DOCK5: variants seen among roughly 807,000 people sequenced by gnomAD.
DOCK5 encodes the protein dedicator of cytokinesis 5.
Under a neutral mutation model 251.8 loss-of-function variants are expected in DOCK5, and 142 were observed. The ratio of observed to expected loss-of-function variants is 0.56; its 90% CI spans 0.49 to 0.65. The LOEUF (loss-of-function observed/expected upper bound fraction) is 0.65, where lower values mean the gene tolerates loss of function less well. DOCK5 is among the 30% of genes least tolerant of loss of function. The pLI is 0.00. For missense variants in DOCK5, 2,111 were observed against 2,312.3 expected, an observed-to-expected ratio of 0.91 and a Z score of 1.79; for synonymous variants, 842 against 835.5, an observed-to-expected ratio of 1.01 and a Z score of -0.13.
intron 2 of DOCK5, among the ~76,000 whole-genome samples, chr8:25,252,613 T>G (rs1803300514): frequency 6.6e-6 from 1 of 152,218 alleles, no homozygotes; most frequent in African/African-American, 2.4e-5. Flanking sequence ...ACCTTTACCT[T>G]AAGTACAGCT....
At chr8:25,329,952 A>G (rs543268932) in intron 18 of DOCK5, among the ~76,000 whole-genome samples, 3 of 152,322 alleles carry the variant, frequency 2.0e-5, no homozygotes, top group East Asian at 1.9e-4. Context: ...GACCTTAACA[A>G]TTCACCAGAT....
intron 7 of DOCK5, among the ~76,000 whole-genome samples, chr8:25,297,246 C>A (rs1263462132): frequency 6.6e-6 from 1 of 151,634 alleles, no homozygotes; most frequent in South Asian, 2.1e-4. Flanking sequence ...AGGCACCCAC[C>A]ACCACACCCG....
At chr8:25,359,096 A>G in intron 28 of DOCK5, 35 bp downstream of exon 28, 1 of 1,579,638 alleles carries the variant, frequency 6.3e-7, no homozygotes, top group Non-Finnish European at 8.7e-7. Context: ...TAACCTGAAG[A>G]CTTCTTAAAT....
chr8:25,231,280 C>T (rs1263147086), intron 1 of DOCK5, among the ~76,000 whole-genome samples: 1 of 152,098 alleles, frequency 6.6e-6, no homozygotes, highest in Non-Finnish European at 1.5e-5. Flanking sequence ...ATTTATTTCT[C>T]CGTTTTCCTT....
intron 51 of DOCK5, among the ~76,000 whole-genome samples, 191 bp from the exon 52 acceptor site, chr8:25,410,997 ACGCACG>A: frequency 4.5e-5 from 4 of 88,762 alleles, no homozygotes; most frequent in Admixed American, 1.2e-4. Context: ...GCACGCACGC[ACGCACG>A]CGTGTGTCTG....
At chr8:25,337,233 C>CGCACACACATGCAT (rs1189249677) in intron 22 of DOCK5, among the ~76,000 whole-genome samples, 71 of 152,038 alleles carry the variant, frequency 4.7e-4, no homozygotes, top group Non-Finnish European at 7.5e-4. Context: ...TTGATACAGA[C>CGCACACACATGCAT]GCACACACAT....
Position 25,373,513 on chromosome 8 carries a change from T to C in DOCK5, c.3685-105T>C. 7 of 1,094,004 alleles carry C rather than the reference T, an allele frequency of 6.4e-6. 1 individual carries two copies. In the South Asian group the frequency reaches 8.7e-5, roughly 14 times the overall value. The allele number at this position is 1,094,004 out of a possible 1,614,324, so 67.8% of individuals were successfully genotyped here. On this transcript the variant is annotated intron_variant, in intron 35 of 51. Coordinates refer to ENST00000276440, the MANE Select transcript of DOCK5 (RefSeq NM_024940.8). ...TGTTAAAGGGAAACAGTGATCTCTT[T>C]GGAAAAGTGAAACTTTTGAAAAGCA...
chr8:25,380,846 TGCCCAGTGGAGGCAGCCACCATTCC>T (rs1245078649), intron 39 of DOCK5, among the ~76,000 whole-genome samples: 48 of 150,878 alleles, frequency 3.2e-4, no homozygotes, highest in African/African-American at 1.1e-3. Flanking sequence ...CCATTCCGAA[TGCCCAGTGGAGGCAGCCACCATTCC>T]GAATGCCCAG....
rs1432377625 is a variant in DOCK5 at position 25,327,885 on chromosome 8, G to A, written c.1903+2338G>A. On this transcript the variant is annotated intron_variant, in intron 18 of 51. Coordinates refer to ENST00000276440, the MANE Select transcript of DOCK5 (RefSeq NM_024940.8). ...ATTGGTAAGAGAGTAGATTTTAAGT[G>A]TTCTCACCACCAAACAATAAGTGAG... is the stretch of plus-strand genomic sequence containing the variant. Among the ~76,000 whole-genome samples the A allele has an allele frequency of 2.0e-5, 3 of 152,124 alleles. No individual in the cohort carries two copies. The South Asian group carries it at 6.2e-4, about 32-fold the overall frequency.
At chr8:25,358,767 C>T (rs1039168781) in intron 27 of DOCK5, among the ~76,000 whole-genome samples, 196 bp from the exon 28 acceptor site, 1 of 152,134 alleles carries the variant, frequency 6.6e-6, no homozygotes, top group Admixed American at 6.5e-5. Flanking sequence ...TCACTCAGAC[C>T]TGGAAGGAGG....
chr8:25,404,881 C>A (rs1801497251), intron 48 of DOCK5, among the ~76,000 whole-genome samples: 1 of 152,124 alleles, frequency 6.6e-6, no homozygotes, highest in African/African-American at 2.4e-5. Context: ...AGCCACCAAA[C>A]TGTACTCTTA....
At chr8:25,389,283 G>A (rs1413142269) in intron 41 of DOCK5, 51 bp downstream of exon 41, 6 of 1,587,286 alleles carry the variant, frequency 3.8e-6, no homozygotes, top group African/African-American at 1.3e-5. Context: ...GCTGTGCACA[G>A]CCCCAGCTAA....
chr8:25,345,319 A>C, intron 25 of DOCK5, 156 bp from the exon 26 acceptor site: 1 of 847,822 alleles, frequency 1.2e-6, no homozygotes, highest in Non-Finnish European at 1.8e-6. Context: ...GCCTAAAACC[A>C]GGTGTTCCTG....
intron 21 of DOCK5, among the ~76,000 whole-genome samples, chr8:25,335,004 C>T (rs973482437): frequency 2.6e-5 from 4 of 152,196 alleles, no homozygotes; most frequent in African/African-American, 9.6e-5. Context: ...GGTTTATGGG[C>T]CCCTGACTAA....
Position 25,409,433 on chromosome 8 carries a change from A to C in DOCK5, c.5404+493A>C, listed in dbSNP as rs897631097. On this transcript the variant is annotated intron_variant, in intron 50 of 51. Transcript: ENST00000276440. ...TGTCAACCAAGAGTTAGAGATAATC[A>C]GTTACAGTTTCCTGGAGGAAGTGGA... 4.1e-5 allele frequency: 7 copies of C among 169,292 alleles called. No homozygotes were observed. In the South Asian group the frequency reaches 1.0e-3, roughly 25 times the overall value. The allele number at this position is 169,292 out of a possible 1,614,324, so 10.5% of individuals were successfully genotyped here. A position where few individuals can be genotyped will look rare whatever the true frequency, so the allele number is the denominator to read the frequency against.
At chr8:25,191,738 C>T (rs928817300) in intron 1 of DOCK5, among the ~76,000 whole-genome samples, 4 of 151,130 alleles carry the variant, frequency 2.6e-5, no homozygotes, top group Non-Finnish European at 4.4e-5. Context: ...CATATAATCT[C>T]ACTCCAAAAA....
At chr8:25,366,712 T>C (rs1800782346) in intron 30 of DOCK5, among the ~76,000 whole-genome samples, 158 bp from the exon 31 acceptor site, 1 of 152,244 alleles carries the variant, frequency 6.6e-6, no homozygotes, top group Non-Finnish European at 1.5e-5. Context: ...TCAAAACTTT[T>C]AGGATTGAAT....
chr8:25,328,353 C>A (rs1375735590), intron 18 of DOCK5, among the ~76,000 whole-genome samples: 2 of 151,992 alleles, frequency 1.3e-5, no homozygotes, highest in Non-Finnish European at 2.9e-5. Flanking sequence ...GGAGAGGGAA[C>A]AGGGTACAGA....
At chr8:25,216,074 G>A (rs1019379411) in intron 1 of DOCK5, among the ~76,000 whole-genome samples, 13 of 150,928 alleles carry the variant, frequency 8.6e-5, no homozygotes, top group East Asian at 1.9e-4. Context: ...ATGTCTATAC[G>A]TGTATACAAC....
Sources: allele counts gnomAD v4.1 joint callset (sites outside exome capture counted in the v4.1 genomes callset), GRCh38; gene constraint gnomAD v4.1.1; transcripts MANE v1.5; gene names NCBI Gene and HGNC (gene_info 2026-07-23, HGNC 2026-07-21).